The following EPHA6 variants were observed in gnomAD, a reference collection of about 807,000 sequenced individuals.
EPHA6 encodes the protein EPH receptor A6, also known as ephrin type-A receptor 6.
A neutral mutation model predicts 112.0 loss-of-function variants in EPHA6; 50 were observed. That is an observed-to-expected ratio of 0.45 (90% confidence interval 0.36 to 0.56). EPHA6 has a LOEUF of 0.56. Among genes scored for constraint, EPHA6 ranks in the 20% least tolerant of loss-of-function variants. The probability of loss-of-function intolerance (pLI) is 0.00; values close to 1 mark genes in which losing one functional copy is unlikely to be tolerated. For missense variants in EPHA6, 1,280 were observed against 1,417.4 expected (o/e 0.90, Z 1.56); for synonymous variants, 529 against 490.7 (o/e 1.08, Z -1.03).
chr3:97,029,763 T>C (rs2044760470), intron 3 of EPHA6, among the ~76,000 whole-genome samples: 1 of 152,118 alleles, frequency 6.6e-6, no homozygotes, highest in Admixed American at 6.6e-5. Context: ...ACAAGAACAA[T>C]AGTTTCACTT....
At chr3:96,897,211 A>AACACACACACACACACAC (rs57409609) in intron 2 of EPHA6, among the ~76,000 whole-genome samples, 1 of 143,336 alleles carries the variant, frequency 7.0e-6, no homozygotes, top group Admixed American at 6.9e-5. Flanking sequence ...TGTATATACA[A>AACACACACACACACACAC]ACACACACAC....
At chr3:97,279,677 G>A (rs2080220197) in intron 5 of EPHA6, among the ~76,000 whole-genome samples, 1 of 152,062 alleles carries the variant, frequency 6.6e-6, no homozygotes, top group Non-Finnish European at 1.5e-5. Context: ...ATTCAAGGAT[G>A]GAAGAATATA....
chr3:97,245,609 G>T (rs1452751908), intron 5 of EPHA6, among the ~76,000 whole-genome samples: 1 of 151,912 alleles, frequency 6.6e-6, no homozygotes, highest in East Asian at 1.9e-4. Flanking sequence ...AGACTGAAAA[G>T]CCTATTTCAA....
At chr3:97,281,840 C>T (rs2080296645) in intron 5 of EPHA6, among the ~76,000 whole-genome samples, 1 of 152,044 alleles carries the variant, frequency 6.6e-6, no homozygotes, top group Non-Finnish European at 1.5e-5. Context: ...TAAGTCAGGG[C>T]CTATAACTTT....
intron 5 of EPHA6, among the ~76,000 whole-genome samples, chr3:97,324,421 CTTTCTTT>C (rs1166182637): frequency 4.3e-5 from 6 of 139,996 alleles, no homozygotes; most frequent in Non-Finnish European, 9.2e-5. Flanking sequence ...TTCTTTCTTT[CTTTCTTT>C]CTTTCTTTCT....
At chr3:97,702,219 TTTA>T (rs1421504057) in intron 14 of EPHA6, among the ~76,000 whole-genome samples, 2 of 152,226 alleles carry the variant, frequency 1.3e-5, no homozygotes, top group Non-Finnish European at 2.9e-5. Flanking sequence ...TATCAGGTGT[TTTA>T]TTATCTTTCA....
rs544794608 is a variant in EPHA6, at chr3:97,398,069, T to C, written c.1607-7081T>C. Among the ~76,000 whole-genome samples the C allele has an allele frequency of 1.1e-3, 169 of 151,532 alleles. 1 individual carries two copies. The highest frequency in any genetic ancestry group is 3.8e-3 in the African/African-American group (159 of 41,500). On this transcript the variant is annotated intron_variant, in intron 5 of 17. Transcript: ENST00000389672. ...GTACTATTAATTGCCCACTGGAGAA[T>C]TGGAAATAGAAAAATAGTACCTATA...
intron 1 of EPHA6, among the ~76,000 whole-genome samples, chr3:96,836,464 G>A (rs1293729265): frequency 6.6e-6 from 1 of 152,080 alleles, no homozygotes; most frequent in Non-Finnish European, 1.5e-5. Context: ...TGTAGCAATG[G>A]AATACTGTTT....
At chr3:96,890,130 A>AT (rs1406894951) in intron 2 of EPHA6, among the ~76,000 whole-genome samples, 1 of 152,132 alleles carries the variant, frequency 6.6e-6, no homozygotes, top group Non-Finnish European at 1.5e-5. Flanking sequence ...ATAAAAAAAA[A>AT]AACATAAAAA....
chr3:96,819,853 T>C (rs1385827335), intron 1 of EPHA6, among the ~76,000 whole-genome samples: 3 of 152,122 alleles, frequency 2.0e-5, no homozygotes, highest in Non-Finnish European at 4.4e-5. Context: ...AGATAAGGCA[T>C]GTGAACTCAT....
In EPHA6 at chr3:97,695,169, A is replaced by T. The variant is rs2032950312; in HGVS notation, c.2785-25092A>T. 2.0e-5 allele frequency among the ~76,000 whole-genome samples: 3 copies of T among 152,210 alleles called. No individual in the cohort carries two copies. In the South Asian group the frequency reaches 6.2e-4, roughly 32 times the overall value. ...AGTGAGATACATCATCAGTGAGTGA[A>T]TATCTGATTTTGTATTACTCAAAAA... On this transcript the variant is annotated intron_variant, in intron 14 of 17. Transcript: ENST00000389672.
intron 3 of EPHA6, among the ~76,000 whole-genome samples, chr3:97,157,456 T>C (rs2076314358): frequency 6.6e-6 from 1 of 152,152 alleles, no homozygotes; most frequent in African/African-American, 2.4e-5. Context: ...AAATATTCAA[T>C]TTTGTATTTC....
At chr3:97,043,095 T>G (rs1425422136) in intron 3 of EPHA6, among the ~76,000 whole-genome samples, 2 of 152,148 alleles carry the variant, frequency 1.3e-5, no homozygotes, top group African/African-American at 2.4e-5. Context: ...ATTCCTTTTT[T>G]CCCCCAGGAA....
intron 3 of EPHA6, among the ~76,000 whole-genome samples, chr3:97,108,466 T>C (rs1245617900): frequency 1.3e-5 from 2 of 152,172 alleles, no homozygotes; most frequent in South Asian, 2.1e-4. Context: ...CCTATATGCC[T>C]ATTTCTTCAA....
At chr3:97,349,590 G>C (rs964311208) in intron 5 of EPHA6, among the ~76,000 whole-genome samples, 1 of 152,064 alleles carries the variant, frequency 6.6e-6, no homozygotes, top group Non-Finnish European at 1.5e-5. Context: ...AAAAGAAAGA[G>C]TCATAGAGAG....
At chr3:97,197,677 C>T (rs773195504) in intron 3 of EPHA6, among the ~76,000 whole-genome samples, 4 of 151,948 alleles carry the variant, frequency 2.6e-5, no homozygotes, top group Non-Finnish European at 5.9e-5. Context: ...GCCACTCTGA[C>T]TTGTGTCTCA....
intron 3 of EPHA6, among the ~76,000 whole-genome samples, chr3:97,165,648 G>A (rs2108410353): frequency 6.6e-6 from 1 of 152,198 alleles, no homozygotes; most frequent in Middle Eastern, 3.4e-3. Context: ...TATAGCCTAG[G>A]ATCATTATCA....
intron 2 of EPHA6, among the ~76,000 whole-genome samples, chr3:96,960,628 G>A (rs2041919108): frequency 1.3e-5 from 2 of 152,298 alleles, no homozygotes; most frequent in East Asian, 3.9e-4. Flanking sequence ...TTAAGGAAGA[G>A]TTTGTCTTTA....
At chr3:97,399,942 T>C (rs773651966) in intron 5 of EPHA6, among the ~76,000 whole-genome samples, 1 of 151,672 alleles carries the variant, frequency 6.6e-6, no homozygotes, top group South Asian at 2.1e-4. Context: ...TAGTTTGATA[T>C]AATCTCGTTT....
Sources: gnomAD v4.1 joint callset for allele counts (sites outside exome capture counted in the v4.1 genomes callset) on GRCh38, gnomAD v4.1.1 for gene constraint, MANE v1.5 for transcripts, NCBI Gene and HGNC (gene_info 2026-07-23, HGNC 2026-07-21) for gene names.